MFSD11: variants seen among roughly 807,000 people sequenced by gnomAD.
MFSD11 encodes UNC93-like protein MFSD11.
Under a neutral mutation model 53.5 loss-of-function variants are expected in MFSD11, and 36 were observed. That is an observed-to-expected ratio of 0.67 (90% confidence interval 0.52 to 0.89). The LOEUF is 0.89. Among genes scored for constraint, MFSD11 ranks in the 40% least tolerant of loss-of-function variants. MFSD11 has a pLI of 0.00. For synonymous variants in MFSD11, 186 were observed against 184.9 expected, an observed-to-expected ratio of 1.01 and a Z score of -0.05; for missense variants, 530 against 543.9, an observed-to-expected ratio of 0.97 and a Z score of 0.25.
chr17:76,793,823 G>A, the MFSD11 span, among the ~76,000 whole-genome samples: 135 of 151,540 alleles, frequency 8.9e-4, 3 homozygotes, highest in African/African-American at 2.9e-3. Context: ...CCCTCCATTC[G>A]GGGTCCCTGA....
chr17:76,736,940 G>A, upstream of MFSD11: 1 of 1,613,196 alleles, frequency 6.2e-7, no homozygotes, highest in Non-Finnish European at 8.5e-7. Flanking sequence ...CCCGTCCATG[G>A]CATCCATAGC....
chr17:76,756,376 G>A (rs1021025550), intron 8 of MFSD11, among the ~76,000 whole-genome samples: 4 of 151,734 alleles, frequency 2.6e-5, no homozygotes, highest in African/African-American at 7.2e-5. Context: ...CACCCGCCTC[G>A]GCCTCCCAGA....
At chr17:76,765,529 C>A (rs1462197124) in intron 8 of MFSD11, among the ~76,000 whole-genome samples, 1 of 126,482 alleles carries the variant, frequency 7.9e-6, no homozygotes, top group Non-Finnish European at 1.6e-5. Context: ...GTGGCTTGAT[C>A]AGAGCTCACT....
At chr17:76,789,771 TA>T in the MFSD11 span, among the ~76,000 whole-genome samples, 1 of 150,156 alleles carries the variant, frequency 6.7e-6, no homozygotes, top group African/African-American at 2.4e-5. Flanking sequence ...CCTAAATGTG[TA>T]AAACCAAGCT....
At chr17:76,746,741 A>G (rs1347732438) in intron 7 of MFSD11, among the ~76,000 whole-genome samples, 1 of 152,152 alleles carries the variant, frequency 6.6e-6, no homozygotes, top group Non-Finnish European at 1.5e-5. Context: ...TTTTAAGCCC[A>G]CTGTTGAGAC....
intron 8 of MFSD11, among the ~76,000 whole-genome samples, chr17:76,766,448 A>G (rs913426343): frequency 6.6e-6 from 1 of 151,614 alleles, no homozygotes; most frequent in African/African-American, 2.4e-5. Context: ...AAAGAAACCT[A>G]AATAAATAAA....
intron 8 of MFSD11, among the ~76,000 whole-genome samples, chr17:76,762,659 A>C (rs76455558): frequency 6.8e-6 from 1 of 147,524 alleles, no homozygotes; most frequent in Non-Finnish European, 1.5e-5. Context: ...CCGTCTCCAA[A>C]AAAAAAAAAA....
intron 8 of MFSD11, among the ~76,000 whole-genome samples, chr17:76,761,458 G>GTACAT: frequency 6.6e-6 from 1 of 152,086 alleles, no homozygotes; most frequent in East Asian, 1.9e-4. Context: ...GATTACCCTA[G>GTACAT]CCATAAAAAT....
intron 12 of MFSD11, among the ~76,000 whole-genome samples, 180 bp from the exon 13 acceptor site, chr17:76,778,008 G>T (rs931392836): frequency 1.3e-5 from 2 of 152,098 alleles, no homozygotes; most frequent in African/African-American, 4.8e-5. Context: ...ACTGTGGCAG[G>T]AGTTTATGGT....
chr17:76,736,993 G>A (rs142294903), upstream of MFSD11: 147 of 1,613,534 alleles, frequency 9.1e-5, no homozygotes, highest in African/African-American at 1.7e-3. Context: ...CGAAGGCGAA[G>A]CCGCGGGACT....
chr17:76,744,600 A>C, intron 7 of MFSD11, 134 bp downstream of exon 7: 3 of 792,072 alleles, frequency 3.8e-6, no homozygotes, highest in Non-Finnish European at 5.7e-6. Context: ...AAAAGGAAGA[A>C]AATAAAGGAG....
rs59878271 is a variant in MFSD11, at chr17:76,765,452, C to CTT, written c.683-1907_683-1906dup. ...GGCTATTGTGGGTCCCTTGAATTTC[C>CTT]TTTTTTTTTTTTTTTTTTTTTTTTT... On this transcript the variant is annotated intron_variant, in intron 8 of 12. Coordinates refer to ENST00000685175, the MANE Select transcript of MFSD11 (RefSeq NM_001242532.5). Among the ~76,000 whole-genome samples, 235 of 91,492 alleles carry CTT rather than the reference C, an allele frequency of 2.6e-3. 26 individuals carry two copies. The highest frequency in any genetic ancestry group is 5.8e-3 in the African/African-American group (127 of 21,714). 60.0% of individuals were successfully genotyped at this position (91,492 alleles called of 152,430 possible). A position where few individuals can be genotyped will look rare whatever the true frequency, so the allele number is the denominator to read the frequency against.
downstream of MFSD11, chr17:76,781,034 A>G (rs1205849179): frequency 6.6e-6 from 1 of 152,188 alleles, no homozygotes; most frequent in African/African-American, 2.4e-5. Context: ...CATCTATTTC[A>G]TCACAGTTTC....
At chr17:76,737,307 A>G (rs189258444), upstream of MFSD11, 500 of 1,155,638 alleles carry the variant, frequency 4.3e-4, 2 homozygotes, top group African/African-American at 6.0e-3. Flanking sequence ...CGGGCTCCGC[A>G]GGCTAGCGCA....
At chr17:76,758,581 C>CAA (rs56750819) in intron 8 of MFSD11, among the ~76,000 whole-genome samples, 3,213 of 57,716 alleles carry the variant, frequency 0.056, 310 homozygotes, top group African/African-American at 0.17. Context: ...GACCAGGTCT[C>CAA]AAAAAAAAAA....
At chr17:76,740,674 A>G (rs572710199) in intron 2 of MFSD11, among the ~76,000 whole-genome samples, 3 of 152,254 alleles carry the variant, frequency 2.0e-5, no homozygotes, top group Non-Finnish European at 4.4e-5. Context: ...GAAAATCTGT[A>G]TAAGGTACTT....
In MFSD11 at chr17:76,776,993, C is replaced by T. The variant is rs1053424756; in HGVS notation, c.1185+452C>T. Among the ~76,000 whole-genome samples the T allele has an allele frequency of 7.9e-5, 12 of 151,926 alleles. No homozygotes were observed. The highest frequency in any genetic ancestry group is 2.1e-4 in the South Asian group (1 of 4,822). On this transcript the variant is annotated intron_variant, in intron 12 of 12. Transcript: ENST00000685175. This position sits in a 1 kb window ranked among gnomAD's most constrained non-coding sequence, Gnocchi z 4.2. ...TTTTTTTTTAAAGACAAAGTCGGCC[C>T]GCCGCGGCTCACACTTGTAATCCCA...
At chr17:76,799,376 A>G in the MFSD11 span, 1 of 152,136 alleles carries the variant, frequency 6.6e-6, no homozygotes, top group Admixed American at 6.6e-5. Context: ...CAGCCTCCCA[A>G]AGTGCTGGGA....
Position 76,738,369 on chromosome 17 carries a change from A to G in MFSD11, c.17A>G (p.Lys6Arg). 6.2e-7 allele frequency: 1 copy of G among 1,614,102 alleles called. No individual in the cohort carries two copies. Among genetic ancestry groups the G allele is most frequent in the Non-Finnish European group, 8.5e-7 (1 of 1,179,956 alleles). Residue 6 changes from lysine to arginine, a missense_variant, in exon 1 of 13, where the codon AAA becomes AGA. Coordinates refer to ENST00000685175, the MANE Select transcript of MFSD11 (RefSeq NM_001242532.5). Reference sequence around the variant, plus strand: ...TGAGCCAAAATGTCCCCGGAATCTAAAAAGCTTTTCAACATCATTATTTTA... The same window carrying G: ...TGAGCCAAAATGTCCCCGGAATCTAGAAAGCTTTTCAACATCATTATTTTA... MSPES[K>R]KLFNIIILGV...
Sources: allele counts gnomAD v4.1 joint callset (sites outside exome capture counted in the v4.1 genomes callset), GRCh38; gene constraint gnomAD v4.1.1; non-coding constraint Gnocchi (gnomAD v3.1); transcripts MANE v1.5; gene names NCBI Gene and HGNC (gene_info 2026-07-23, HGNC 2026-07-21).